PDCD11: variants seen among roughly 807,000 people sequenced by gnomAD.
PDCD11 encodes programmed cell death 11.
In PDCD11, 97 loss-of-function variants were observed where a neutral mutation model predicts 198.9. That is an observed-to-expected ratio of 0.49 (90% confidence interval 0.41 to 0.58). The LOEUF (loss-of-function observed/expected upper bound fraction) is 0.58. PDCD11 is among the 20% of genes least tolerant of loss of function. The probability of loss-of-function intolerance (pLI) is 0.00; values close to 1 mark genes in which losing one functional copy is unlikely to be tolerated. For synonymous variants in PDCD11, 893 were observed against 918.0 expected, an observed-to-expected ratio of 0.97 and a Z score of 0.49; for missense variants, 2,102 against 2,312.7, an observed-to-expected ratio of 0.91 and a Z score of 1.87.
intron 22 of PDCD11, 36 bp from the exon 23 acceptor site, chr10:103,433,912 G>GT (rs2032039069): frequency 6.8e-7 from 1 of 1,478,514 alleles, no homozygotes; most frequent in African/African-American, 1.4e-5. Flanking sequence ...CCTTGTATTT[G>GT]TATTTGCCCT....
rs112714368 is a variant in PDCD11, at chr10:103,441,558, A to G, written c.4558-268A>G. 1.1e-3 allele frequency among the ~76,000 whole-genome samples: 168 copies of G among 152,238 alleles called. 1 individual carries two copies. The highest frequency in any genetic ancestry group is 3.4e-3 in the African/African-American group (142 of 41,542). ...GTGTGAGCCACCACACCTGGCTTCT[A>G]CTGTTATTTTATATACTGGTATGCA... On this transcript the variant is annotated intron_variant, in intron 30 of 35. Transcript: ENST00000369797.
chr10:103,426,161 C>T (rs1016844987), intron 20 of PDCD11, among the ~76,000 whole-genome samples: 4 of 152,144 alleles, frequency 2.6e-5, no homozygotes, highest in Non-Finnish European at 4.4e-5. Context: ...AAAGAGAGAA[C>T]GTGTAGTCTG....
chr10:103,427,277 T>C (rs2031735371), intron 20 of PDCD11, 52 bp from the exon 21 acceptor site: 2 of 1,508,650 alleles, frequency 1.3e-6, no homozygotes, highest in Non-Finnish European at 1.8e-6. Context: ...GACCTACAGA[T>C]TACTGTGTTA....
At position 103,406,656 on chromosome 10, in the gene PDCD11, G is replaced by C. The variant is rs778957391; in HGVS notation, c.736G>C (p.Val246Leu). 6.2e-7 allele frequency: 1 copy of C among 1,614,182 alleles called. No individual in the cohort carries two copies. Among genetic ancestry groups the C allele is most frequent in the East Asian group, 2.2e-5 (1 of 44,886 alleles). Residue 246 changes from valine to leucine, a missense_variant, in exon 7 of 36, where the codon GTG (valine) becomes CTG (leucine). By Grantham distance (32) the Val-to-Leu change is conservative. Coordinates refer to ENST00000369797, the MANE Select transcript of PDCD11 (RefSeq NM_014976.2). The stretch of plus-strand genomic sequence containing the variant: ...GTACCTGAACTGCATTGTTGAAAAG[G>C]TGAAAGGCAACGGAGGAGTTGTTAG... The part of the protein sequence containing the change: ...GQYLNCIVEK[V>L]KGNGGVVSLS...
At chr10:103,438,840 A>G (rs748712866) in intron 27 of PDCD11, 32 bp downstream of exon 27, 2 of 1,612,288 alleles carry the variant, frequency 1.2e-6, no homozygotes, top group Non-Finnish European at 8.5e-7. Context: ...CCCGGACCCA[A>G]GTGCCTTCCC....
At chr10:103,397,342 G>A (rs1041446366) in intron 1 of PDCD11, among the ~76,000 whole-genome samples, 1 of 148,290 alleles carries the variant, frequency 6.7e-6, no homozygotes, top group Non-Finnish European at 1.5e-5. Context: ...TATTTTTCTT[G>A]CTTACTGTTC....
chr10:103,444,989 G>C (rs554272997), intron 35 of PDCD11, among the ~76,000 whole-genome samples: 30 of 152,212 alleles, frequency 2.0e-4, no homozygotes, highest in Non-Finnish European at 3.7e-4. Flanking sequence ...TTTGACCCCA[G>C]CGTCTCCACA....
intron 30 of PDCD11, among the ~76,000 whole-genome samples, chr10:103,441,455 A>G (rs2032381105): frequency 6.6e-6 from 1 of 152,052 alleles, no homozygotes; most frequent in Admixed American, 6.5e-5. Context: ...GGGTTTCGCC[A>G]TGTTGGCCGG....
chr10:103,440,392 A>T lies in PDCD11; in HGVS notation c.4251A>T (p.Gln1417His). The T allele has an allele frequency of 6.2e-7, 1 of 1,614,250 alleles. No individual in the cohort carries two copies. The highest frequency in any genetic ancestry group is 2.2e-5 in the East Asian group (1 of 44,890). Residue 1417 changes from glutamine to histidine, a missense_variant, in exon 29 of 36, where the codon CAA (glutamine) becomes CAT (histidine). By Grantham distance (24) the Gln-to-His change is conservative (BLOSUM62 0). Coordinates refer to ENST00000369797, the MANE Select transcript of PDCD11 (RefSeq NM_014976.2). ...SASLEGQLTK[Q>H]EERKTEAEER... ...CCTTGGAAGGGCAACTTACAAAGCA[A>T]GAGGAGAGGAAAACAGAGGCTGAGG...
In PDCD11 at chr10:103,442,604, GC is replaced by G. The variant is rs936002476; in HGVS notation, c.4955+146del. 45 of 804,170 alleles carry G rather than the reference GC, an allele frequency of 5.6e-5. 1 individual carries two copies. In the Admixed American group the frequency reaches 1.1e-3, roughly 19 times the overall value. The allele number at this position is 804,170 out of a possible 1,614,324, so 49.8% of individuals were successfully genotyped here. ...GGGCCCATGGGTCCTCAGGCTTTCT[GC>G]CATAGCTGCGGCCATCTGTGAAATA... On this transcript the variant is annotated intron_variant, in intron 32 of 35. Coordinates refer to ENST00000369797, the MANE Select transcript of PDCD11 (RefSeq NM_014976.2).
chr10:103,445,557 C>T lies in PDCD11; in HGVS notation c.*8C>T. 6.2e-7 allele frequency: 1 copy of T among 1,612,190 alleles called. No homozygotes were observed. ...TCAGTGCTAGAGGACTAGTGGCAGGCTGGCTCTGTGGGACACTGTCAACAA... is the reference window on the plus strand; with the variant it reads ...TCAGTGCTAGAGGACTAGTGGCAGGTTGGCTCTGTGGGACACTGTCAACAA... On this transcript the variant is annotated 3_prime_UTR_variant, in exon 36 of 36. Coordinates refer to ENST00000369797, the MANE Select transcript of PDCD11 (RefSeq NM_014976.2).
chr10:103,431,088 A>T (rs1349170356), intron 21 of PDCD11, among the ~76,000 whole-genome samples: 1 of 152,008 alleles, frequency 6.6e-6, no homozygotes, highest in East Asian at 1.9e-4. Context: ...TTACTTTACT[A>T]GATAGGAAAG....
chr10:103,410,182 C>G (rs929093271), intron 8 of PDCD11, among the ~76,000 whole-genome samples: 3 of 151,124 alleles, frequency 2.0e-5, no homozygotes, highest in African/African-American at 7.3e-5. Flanking sequence ...TTGCAGTGAG[C>G]TGAGATCGTG....
At position 103,412,325 on chromosome 10, in the gene PDCD11, T is replaced by C. The variant is rs888136263; in HGVS notation, c.979-791T>C. On this transcript the variant is annotated intron_variant, in intron 8 of 35. Transcript: ENST00000369797. ...ACAGGTACGTACCACCATGCCCGGCTAATTTTTTTTTTTGAGACGGAGTCT... is the reference window on the plus strand; with the variant it reads ...ACAGGTACGTACCACCATGCCCGGCCAATTTTTTTTTTTGAGACGGAGTCT... Among the ~76,000 whole-genome samples the C allele has an allele frequency of 2.0e-5, 3 of 151,550 alleles. No individual in the cohort carries two copies. In the East Asian group the frequency reaches 5.8e-4, roughly 29 times the overall value.
intron 32 of PDCD11, among the ~76,000 whole-genome samples, chr10:103,442,864 A>G (rs967994034): frequency 2.0e-5 from 3 of 152,208 alleles, no homozygotes; most frequent in Non-Finnish European, 4.4e-5. Flanking sequence ...TGAAGAGAGA[A>G]TCAGACCCAG....
intron 35 of PDCD11, among the ~76,000 whole-genome samples, chr10:103,445,170 T>C (rs2032552195): frequency 6.6e-6 from 1 of 152,180 alleles, no homozygotes; most frequent in Non-Finnish European, 1.5e-5. Context: ...TGGGTGTCCA[T>C]CTGCTCATCT....
At chr10:103,436,161 C>T (rs1276673049) in intron 25 of PDCD11, among the ~76,000 whole-genome samples, 4 of 151,576 alleles carry the variant, frequency 2.6e-5, no homozygotes, top group African/African-American at 4.9e-5. Flanking sequence ...AGTGCAGTGG[C>T]GCAATCTTGG....
Position 103,433,999 on chromosome 10 carries a change from G to A in PDCD11, c.3526G>A (p.Gly1176Arg). The part of the protein sequence containing the change: ...LEVEIAPDIR[G>R]RIPLLLTSLS... Reference sequence around the variant, plus strand: ...GGTGGAGATTGCCCCAGACATCCGGGGGAGAATTCCCTTATTGCTCACTTC... The same window carrying A: ...GGTGGAGATTGCCCCAGACATCCGGAGGAGAATTCCCTTATTGCTCACTTC... The change falls in exon 23 of 36, where the codon GGG becomes AGG. Residue 1176 changes from glycine (G) to arginine (R), a missense_variant. Physicochemically the swap from Gly to Arg is moderately radical, Grantham distance 125. Transcript: ENST00000369797. 1 of 1,614,116 alleles carries A rather than the reference G, an allele frequency of 6.2e-7. No homozygotes were observed. Among genetic ancestry groups the A allele is most frequent in the Non-Finnish European group, 8.5e-7 (1 of 1,179,942 alleles).
At position 103,413,688 on chromosome 10, in the gene PDCD11, C is replaced by A. The variant is rs117384575; in HGVS notation, c.1186-278C>A. On this transcript the variant is annotated intron_variant, in intron 9 of 35. Transcript: ENST00000369797. ...GGCATGAAAGCAGCCATAGACAGTA[C>A]GTAAATGAACAGATGGCTGTATTCC... Among the ~76,000 whole-genome samples the A allele has an allele frequency of 8.9e-4, 136 of 152,246 alleles. 1 individual carries two copies. The East Asian group carries it at 0.017, about 19-fold the overall frequency.
Sources: gnomAD v4.1 joint callset for allele counts (sites outside exome capture counted in the v4.1 genomes callset) on GRCh38, gnomAD v4.1.1 for gene constraint, MANE v1.5 for transcripts, NCBI Gene and HGNC (gene_info 2026-07-23, HGNC 2026-07-21) for gene names.